SEMA3D: variants seen among roughly 807,000 people sequenced by gnomAD.
SEMA3D encodes the protein semaphorin 3D, also known as semaphorin-3D.
In SEMA3D, 84 loss-of-function variants were observed where a neutral mutation model predicts 100.1. That is an observed-to-expected ratio of 0.84 (90% CI 0.70 to 1.01). SEMA3D has a LOEUF of 1.01. SEMA3D is among the 50% of genes least tolerant of loss of function. The pLI, the probability that SEMA3D is intolerant of heterozygous loss-of-function variation, is 0.00. For missense variants in SEMA3D, 875 were observed against 934.1 expected, an observed-to-expected ratio of 0.94 and a Z score of 0.82; for synonymous variants, 312 against 320.7, an observed-to-expected ratio of 0.97 and a Z score of 0.29.
intron 1 of SEMA3D, among the ~76,000 whole-genome samples, chr7:85,156,222 C>G (rs530656547): frequency 6.6e-6 from 1 of 151,986 alleles, no homozygotes; most frequent in East Asian, 1.9e-4. Flanking sequence ...CTGGCCTCAG[C>G]CTCCTGAGTA....
chr7:85,241,467 G>GTGTATATATATATATATATATATATATA, the SEMA3D span, among the ~76,000 whole-genome samples: 638 of 91,434 alleles, frequency 7.0e-3, 16 homozygotes, highest in East Asian at 0.013. Flanking sequence ...CTGTGTGTGT[G>GTGTATATATATATATATATATATATATA]TATATATATA....
intron 4 of SEMA3D, among the ~76,000 whole-genome samples, chr7:85,086,631 CGTGTGTGTGTGTGTGT>C (rs58818289): frequency 7.1e-6 from 1 of 140,848 alleles, no homozygotes; most frequent in Non-Finnish European, 1.6e-5. Flanking sequence ...TCTCTCTCTC[CGTGTGTGTGTGTGTGT>C]GTGTGTGTGT....
intron 6 of SEMA3D, among the ~76,000 whole-genome samples, chr7:85,072,305 A>G (rs1791796826): frequency 6.6e-6 from 1 of 152,244 alleles, no homozygotes; most frequent in South Asian, 2.1e-4. Context: ...CTGAAACAAT[A>G]AAGTCATTGT....
At chr7:85,094,937 T>A (rs1057481778) in intron 4 of SEMA3D, among the ~76,000 whole-genome samples, 3 of 151,744 alleles carry the variant, frequency 2.0e-5, no homozygotes, top group South Asian at 2.1e-4. Context: ...CTCAAAAAAA[T>A]TTTCAAAAAA....
upstream of SEMA3D, among the ~76,000 whole-genome samples, chr7:85,190,319 G>T (rs1219907111): frequency 6.6e-6 from 1 of 152,122 alleles, no homozygotes; most frequent in Non-Finnish European, 1.5e-5. Flanking sequence ...TCATACCTTA[G>T]TCATTCAGAA....
chr7:85,216,356 GTT>G, the SEMA3D span, among the ~76,000 whole-genome samples: 1 of 107,642 alleles, frequency 9.3e-6, no homozygotes, highest in Non-Finnish European at 1.9e-5. Context: ...AAATAAGAGT[GTT>G]GTGTGTGTGT....
the SEMA3D span, among the ~76,000 whole-genome samples, chr7:85,241,019 G>A: frequency 6.6e-6 from 1 of 151,742 alleles, no homozygotes. Context: ...ATGAATAGAT[G>A]ATTCTCAAAA....
At position 85,083,790 on chromosome 7, in the gene SEMA3D, TG is replaced by T. The variant is rs575198200; in HGVS notation, c.313-2212del. Among the ~76,000 whole-genome samples, 222 of 144,624 alleles carry T rather than the reference TG, an allele frequency of 1.5e-3. 1 individual carries two copies. Among genetic ancestry groups the T allele is most frequent in the African/African-American group, 5.1e-3 (196 of 38,608 alleles). The allele number at this position is 144,624 out of a possible 152,430, so 94.9% of individuals were successfully genotyped here. A position where few individuals can be genotyped will look rare whatever the true frequency, so the allele number is the denominator to read the frequency against. ...TGAACCCGGGAGGCGGAGCTTGCAG[TG>T]AGCCGAGATCGCGCCACTGCACTCC... On this transcript the variant is annotated intron_variant, in intron 4 of 18. Coordinates refer to ENST00000284136, the MANE Select transcript of SEMA3D (RefSeq NM_001384900.1).
At chr7:85,095,029 CTTAA>C (rs1290256171) in intron 4 of SEMA3D, among the ~76,000 whole-genome samples, 1 of 151,916 alleles carries the variant, frequency 6.6e-6, no homozygotes, top group Non-Finnish European at 1.5e-5. Flanking sequence ...ACTCAGTCTA[CTTAA>C]TTTTTATTTT....
chr7:84,999,221 T>C lies in SEMA3D; in HGVS notation c.*219A>G. 1 of 553,546 alleles carries C rather than the reference T, an allele frequency of 1.8e-6. No individual in the cohort carries two copies. The highest frequency in any genetic ancestry group is 2.5e-5 in the South Asian group (1 of 40,422). 34.3% of individuals were successfully genotyped at this position (553,546 alleles called of 1,614,324 possible). ...GTAAACCCCCTATTTTTAGGATAATTCTTATACTTTGCTTGTGCAAGATTT... is the reference window on the plus strand; with the variant it reads ...GTAAACCCCCTATTTTTAGGATAATCCTTATACTTTGCTTGTGCAAGATTT... On this transcript the variant is annotated 3_prime_UTR_variant, in exon 19 of 19. Coordinates refer to ENST00000284136, the MANE Select transcript of SEMA3D (RefSeq NM_001384900.1).
chr7:85,138,533 TATC>T (rs1789930571), intron 2 of SEMA3D, among the ~76,000 whole-genome samples: 1 of 150,734 alleles, frequency 6.6e-6, no homozygotes, highest in Admixed American at 6.6e-5. Context: ...ATAACTCAAA[TATC>T]ATAATTATAT....
intron 18 of SEMA3D, among the ~76,000 whole-genome samples, chr7:85,002,617 G>T (rs996120672): frequency 3.3e-5 from 5 of 152,106 alleles, no homozygotes; most frequent in Non-Finnish European, 5.9e-5. Flanking sequence ...TCAACAAAGA[G>T]ATAATGTAAT....
In SEMA3D at chr7:85,018,311, A is replaced by G; in HGVS notation, c.1504-18T>C. The G allele has an allele frequency of 6.6e-7, 1 of 1,520,778 alleles. No individual in the cohort carries two copies. Among genetic ancestry groups the G allele is most frequent in the Non-Finnish European group, 9.1e-7 (1 of 1,097,198 alleles). 94.2% of individuals were successfully genotyped at this position (1,520,778 alleles called of 1,614,324 possible). ...GATGAGTGCTGAAAATAGAAGTTAA[A>G]TGTCAATAAAGATAATCATTAACAG... On this transcript the variant is annotated intron_variant, in intron 14 of 18. Coordinates refer to ENST00000284136, the MANE Select transcript of SEMA3D (RefSeq NM_001384900.1).
the SEMA3D span, among the ~76,000 whole-genome samples, chr7:85,205,944 C>T: frequency 6.6e-6 from 1 of 152,084 alleles, no homozygotes; most frequent in African/African-American, 2.4e-5. Context: ...ACAGGTCAGG[C>T]AGTTTCCTCT....
intron 5 of SEMA3D, among the ~76,000 whole-genome samples, chr7:85,077,240 T>A (rs1337510327): frequency 6.6e-6 from 1 of 151,682 alleles, no homozygotes; most frequent in East Asian, 1.9e-4. Context: ...AGAGCAATAA[T>A]CAGTTACGGT....
intron 4 of SEMA3D, among the ~76,000 whole-genome samples, chr7:85,092,721 CTCTT>C (rs1376416662): frequency 1.0e-3 from 159 of 152,080 alleles, no homozygotes; most frequent in African/African-American, 3.6e-3. Context: ...TTATAAGACA[CTCTT>C]TCTTATCAAT....
chr7:85,011,494 T>C (rs745996665), intron 17 of SEMA3D, among the ~76,000 whole-genome samples: 15 of 151,934 alleles, frequency 9.9e-5, no homozygotes, highest in South Asian at 4.1e-4. Context: ...TCATTTGACA[T>C]AGCATTTATT....
intron 4 of SEMA3D, among the ~76,000 whole-genome samples, chr7:85,091,698 C>G (rs112313338): frequency 6.6e-6 from 1 of 151,830 alleles, no homozygotes; most frequent in Admixed American, 6.6e-5. Flanking sequence ...GTTTAGAAAC[C>G]GTGGGTCCTT....
Position 85,068,209 on chromosome 7 carries a change from A to C in SEMA3D, c.571T>G (p.Phe191Val), listed in dbSNP as rs1372108025. The change falls in exon 7 of 19, where the codon TTT becomes GTT. Residue 191 changes from phenylalanine (F) to valine (V), a missense_variant. Physicochemically the swap from Phe to Val is conservative, Grantham distance 50. Transcript: ENST00000284136. ...ATCTTACCTGTCATTACTGAAGCAA[A>C]AGGCTGCTGAGGATCGAAAGGACAT... is the stretch of plus-strand genomic sequence containing the variant. ...LKCPFDPQQP[F>V]ASVMTDEYLY... 6.2e-7 allele frequency: 1 copy of C among 1,602,588 alleles called. No homozygotes were observed. The highest frequency in any genetic ancestry group is 1.7e-5 in the Admixed American group (1 of 59,976).
Sources: allele counts gnomAD v4.1 joint callset (sites outside exome capture counted in the v4.1 genomes callset), GRCh38; gene constraint gnomAD v4.1.1; transcripts MANE v1.5; gene names NCBI Gene and HGNC (gene_info 2026-07-23, HGNC 2026-07-21).